Variants in KLHL15 observed in about 807,000 individuals in gnomAD.
The protein encoded by KLHL15 is kelch-like protein 15.
In KLHL15, 1 loss-of-function variant was observed where a neutral mutation model predicts 29.3. That is an observed-to-expected ratio of 0.03 (90% confidence interval 0.01 to 0.16). The LOEUF (loss-of-function observed/expected upper bound fraction) is 0.16. Among genes scored for constraint, KLHL15 ranks in the 10% least tolerant of loss-of-function variants. The pLI is 1.00. For missense variants in KLHL15, 215 were observed against 478.5 expected (o/e 0.45, Z 5.14); for synonymous variants, 212 against 184.5 (o/e 1.15, Z -1.21).
rs1372075604 is a variant in KLHL15, at chrX:24,002,162, TAAAG to T, written c.705+3823_705+3826del. On this transcript the variant is annotated intron_variant, in intron 3 of 3. Coordinates refer to ENST00000328046, the MANE Select transcript of KLHL15 (RefSeq NM_030624.3). ...GAAAATGAATAAATAAATAAATAAATAAAGAAAGTATAATATGCATTTTGCCAAA... is the reference window on the plus strand; with the variant it reads ...GAAAATGAATAAATAAATAAATAAATAAAGTATAATATGCATTTTGCCAAA... Among the ~76,000 whole-genome samples the T allele has an allele frequency of 8.2e-3, 914 of 110,942 alleles. 7 individuals carry two copies. The highest frequency in any genetic ancestry group is 0.025 in the African/African-American group (768 of 30,532).
At chrX:23,993,746 T>G in intron 3 of KLHL15, among the ~76,000 whole-genome samples, 1 of 110,092 alleles carries the variant, frequency 9.1e-6, no homozygotes, top group Non-Finnish European at 1.9e-5. Flanking sequence ...CAGACAATCC[T>G]GGTCGGGCAC....
intron 2 of KLHL15, among the ~76,000 whole-genome samples, chrX:24,022,639 TAA>T (rs34810589): frequency 5.5e-5 from 5 of 90,674 alleles, no homozygotes; most frequent in Non-Finnish European, 6.5e-5. Flanking sequence ...ACTCTTGTCT[TAA>T]AAAAAAAAAA....
chrX:24,007,210 C>T (rs922869323), intron 2 of KLHL15, among the ~76,000 whole-genome samples: 7 of 106,996 alleles, frequency 6.5e-5, no homozygotes, highest in African/African-American at 1.4e-4. Context: ...ATATATATGT[C>T]GGCTGGGCGC....
At chrX:24,003,647 ATGTGTG>A (rs10693389) in intron 3 of KLHL15, among the ~76,000 whole-genome samples, 15,979 of 96,270 alleles carry the variant, frequency 0.17, 1,302 homozygotes, top group African/African-American at 0.34. Flanking sequence ...GCATAAATAT[ATGTGTG>A]TGTGTGTGTG....
intron 2 of KLHL15, among the ~76,000 whole-genome samples, chrX:24,013,634 A>G (rs746497292): frequency 1.8e-5 from 2 of 111,521 alleles, no homozygotes; most frequent in Non-Finnish European, 3.8e-5. Context: ...TACTGGGAAC[A>G]AAAGGAATCT....
chrX:23,987,746 G>GT lies in KLHL15; in HGVS notation c.*174dup. On this transcript the variant is annotated 3_prime_UTR_variant, in exon 4 of 4. Coordinates refer to ENST00000328046, the MANE Select transcript of KLHL15 (RefSeq NM_030624.3). The stretch of plus-strand genomic sequence containing the variant: ...CACTTAGAATTAACTTATTGCATGA[G>GT]TTTGAGGCCACTGAAAAGAAAAAAA... 2.3e-6 allele frequency: 1 copy of GT among 426,207 alleles called. No individual in the cohort carries two copies. The highest frequency in any genetic ancestry group is 4.0e-6 in the Non-Finnish European group (1 of 251,468). The allele number at this position is 426,207 out of a possible 1,213,427, so 35.1% of individuals were successfully genotyped here. A position where few individuals can be genotyped will look rare whatever the true frequency, so the allele number is the denominator to read the frequency against.
At chrX:24,022,420 G>C (rs907829715) in intron 2 of KLHL15, among the ~76,000 whole-genome samples, 7 of 102,710 alleles carry the variant, frequency 6.8e-5, no homozygotes, top group Non-Finnish European at 1.4e-4. Context: ...GATCACTTGA[G>C]TCCAGGAGTT....
intron 3 of KLHL15, among the ~76,000 whole-genome samples, chrX:24,003,645 ATATGTGTGTGTG>A (rs1339483355): frequency 1.2e-5 from 1 of 80,235 alleles, no homozygotes; most frequent in African/African-American, 5.5e-5. Flanking sequence ...TAGCATAAAT[ATATGTGTGTGTG>A]TGTGTGTGTG....
chrX:24,025,845 G>A (rs1258425046), intron 1 of KLHL15, among the ~76,000 whole-genome samples: 1 of 110,054 alleles, frequency 9.1e-6, no homozygotes. Flanking sequence ...GCCCTGGACT[G>A]GGCCCGACGC....
chrX:24,013,565 T>C (rs899400041), intron 2 of KLHL15, among the ~76,000 whole-genome samples: 8 of 111,283 alleles, frequency 7.2e-5, no homozygotes. Context: ...CACCCAGGCT[T>C]GAATTATTTT....
chrX:24,025,693 A>G (rs1929916751), intron 1 of KLHL15, among the ~76,000 whole-genome samples: 1 of 92,003 alleles, frequency 1.1e-5, no homozygotes, highest in South Asian at 6.5e-4. Flanking sequence ...TTCCGGCGCC[A>G]CGGGAGCGGG....
intron 3 of KLHL15, among the ~76,000 whole-genome samples, chrX:24,001,076 A>G (rs1348751548): frequency 2.7e-5 from 3 of 112,168 alleles, no homozygotes; most frequent in Non-Finnish European, 3.8e-5. Context: ...CAGACTGGGG[A>G]AAAAAGTACA....
chrX:23,999,974 A>G (rs1485977038), intron 3 of KLHL15, among the ~76,000 whole-genome samples: 1 of 112,079 alleles, frequency 8.9e-6, no homozygotes, highest in African/African-American at 3.2e-5. Context: ...TAACTGAGAA[A>G]GTACACTTAA....
chrX:24,022,212 G>A (rs1929820401), intron 2 of KLHL15, among the ~76,000 whole-genome samples: 1 of 107,258 alleles, frequency 9.3e-6, no homozygotes, highest in African/African-American at 3.4e-5. Flanking sequence ...ACGCGCATCT[G>A]TAATCCCAGT....
At chrX:24,024,568 G>A (rs1322410377) in intron 2 of KLHL15, among the ~76,000 whole-genome samples, 1 of 112,431 alleles carries the variant, frequency 8.9e-6, no homozygotes, top group Non-Finnish European at 1.9e-5. Context: ...GGCATAAATT[G>A]AATTGTTAAA....
At position 23,999,459 on chromosome X, in the gene KLHL15, G is replaced by C. The variant is rs181296814; in HGVS notation, c.705+6530C>G. On this transcript the variant is annotated intron_variant, in intron 3 of 3. Coordinates refer to ENST00000328046, the MANE Select transcript of KLHL15 (RefSeq NM_030624.3). ...AAATACAAGAAATTAGCCGGGCGCG[G>C]TGGCGGGCGCCTGTAATCCCAGCTA... 7.9e-3 allele frequency among the ~76,000 whole-genome samples: 866 copies of C among 109,216 alleles called. 7 individuals are homozygous for C. The highest frequency in any genetic ancestry group is 0.013 in the Non-Finnish European group (676 of 52,454). The allele number at this position is 109,216 out of a possible 115,157, so 94.8% of individuals were successfully genotyped here. A position where few individuals can be genotyped will look rare whatever the true frequency, so the allele number is the denominator to read the frequency against.
intron 2 of KLHL15, among the ~76,000 whole-genome samples, chrX:24,010,582 T>C (rs936261814): frequency 8.9e-6 from 1 of 112,132 alleles, no homozygotes; most frequent in African/African-American, 3.2e-5. Context: ...ATCTCATGAC[T>C]TGGAATCATA....
At chrX:24,008,372 C>G (rs754622509) in intron 2 of KLHL15, among the ~76,000 whole-genome samples, 2 of 111,517 alleles carry the variant, frequency 1.8e-5, no homozygotes, top group Non-Finnish European at 3.8e-5. Flanking sequence ...TCCCGAGTAG[C>G]TGGGACTACA....
At position 24,006,331 on chromosome X, in the gene KLHL15, G is replaced by A. The variant is rs1929446112; in HGVS notation, c.363C>T (p.Cys121=). Reference sequence around the variant, plus strand: ...GGCAGATCTTCGCTAAGAGAAAAGAGCAGCAGAACTTCACCACTTCTATAA... The same window carrying A: ...GGCAGATCTTCGCTAAGAGAAAAGAACAGCAGAACTTCACCACTTCTATAA... ...VQLIEVVKFC[C]SFLLAKICLE... is the part of the protein sequence containing the mutation. Residue 121 remains cysteine, a synonymous_variant, in exon 3 of 4, where the codon TGC becomes TGT. Transcript: ENST00000328046. 1.7e-6 allele frequency: 2 copies of A among 1,211,291 alleles called. No individual in the cohort carries two copies. The highest frequency in any genetic ancestry group is 2.2e-6 in the Non-Finnish European group (2 of 894,994).
Sources: gnomAD v4.1 joint callset for allele counts (sites outside exome capture counted in the v4.1 genomes callset) on GRCh38, gnomAD v4.1.1 for gene constraint, MANE v1.5 for transcripts, NCBI Gene and HGNC (gene_info 2026-07-23, HGNC 2026-07-21) for gene names.